Variants in PDE4B observed in about 807,000 individuals in gnomAD.
PDE4B encodes the protein 3',5'-cyclic-AMP phosphodiesterase 4B.
PDE4B carries 20 observed loss-of-function variants against 82.2 expected under a neutral mutation model. The observed-to-expected ratio is 0.24, with a 90% confidence interval of 0.17 to 0.35. The LOEUF is 0.35. Ranked by LOEUF, PDE4B falls within the 10% of genes least tolerant of loss-of-function variation. The probability of loss-of-function intolerance (pLI) is 1.00; values close to 1 mark genes in which losing one functional copy is unlikely to be tolerated. For synonymous variants in PDE4B, 320 were observed against 318.9 expected (o/e 1.00, Z -0.04); for missense variants, 655 against 907.2 (o/e 0.72, Z 3.57).
intron 3 of PDE4B, among the ~76,000 whole-genome samples, chr1:65,938,060 A>AT (rs1226361902): frequency 1.3e-5 from 2 of 152,212 alleles, no homozygotes; most frequent in Non-Finnish European, 2.9e-5. Context: ...TAGTTTTATA[A>AT]TAAAAAAGAA....
chr1:65,866,263 T>C (rs1447107135), intron 1 of PDE4B, among the ~76,000 whole-genome samples: 2 of 152,304 alleles, frequency 1.3e-5, no homozygotes, highest in Non-Finnish European at 1.5e-5. Flanking sequence ...TAAATGTAAG[T>C]ACAATTATAA....
chr1:66,287,561 G>C (rs1469848427), intron 7 of PDE4B, among the ~76,000 whole-genome samples: 1 of 152,164 alleles, frequency 6.6e-6, no homozygotes, highest in Admixed American at 6.6e-5. Flanking sequence ...AGGGTGAGGA[G>C]GAAGACTCCA....
chr1:65,930,387 T>C (rs1647764329), intron 3 of PDE4B, among the ~76,000 whole-genome samples: 1 of 152,226 alleles, frequency 6.6e-6, no homozygotes, highest in Non-Finnish European at 1.5e-5. Flanking sequence ...AGGGCCACTG[T>C]TCTCCAGACT....
At chr1:66,163,645 T>C (rs999602885) in intron 3 of PDE4B, among the ~76,000 whole-genome samples, 2 of 152,362 alleles carry the variant, frequency 1.3e-5, no homozygotes, top group Middle Eastern at 3.4e-3. Context: ...TATTATAATA[T>C]ACCTTAACAA....
chr1:65,903,030 G>GC (rs1646989036), intron 1 of PDE4B, among the ~76,000 whole-genome samples: 2 of 152,194 alleles, frequency 1.3e-5, no homozygotes, highest in Admixed American at 6.6e-5. Flanking sequence ...TCATGGTATG[G>GC]CAAACATTAC....
At chr1:66,194,771 A>C (rs1488332922) in intron 3 of PDE4B, among the ~76,000 whole-genome samples, 3 of 152,114 alleles carry the variant, frequency 2.0e-5, no homozygotes, top group Non-Finnish European at 4.4e-5. Context: ...TTTTGTATCT[A>C]TGTGAGTTCC....
chr1:65,981,671 G>T (rs1650696308), intron 3 of PDE4B, among the ~76,000 whole-genome samples: 1 of 151,744 alleles, frequency 6.6e-6, no homozygotes, highest in Non-Finnish European at 1.5e-5. Flanking sequence ...CTGTAATTCA[G>T]TTTCTTTATC....
chr1:65,852,645 T>C (rs1309880107), intron 1 of PDE4B, among the ~76,000 whole-genome samples: 1 of 152,074 alleles, frequency 6.6e-6, no homozygotes. Context: ...TATGTTTTAC[T>C]TTCATTTTTA....
chr1:66,212,748 T>C (rs1438372957), intron 3 of PDE4B, among the ~76,000 whole-genome samples: 1 of 152,210 alleles, frequency 6.6e-6, no homozygotes, highest in Non-Finnish European at 1.5e-5. Context: ...ACCTCCATCA[T>C]GATATATGCT....
intron 8 of PDE4B, among the ~76,000 whole-genome samples, chr1:66,335,608 G>T (rs1236217269): frequency 6.6e-6 from 1 of 152,160 alleles, no homozygotes; most frequent in Non-Finnish European, 1.5e-5. Flanking sequence ...AAATTTCTCT[G>T]ATCCCTTAAT....
chr1:65,883,899 C>T (rs538502063), intron 1 of PDE4B, among the ~76,000 whole-genome samples: 1 of 152,280 alleles, frequency 6.6e-6, no homozygotes, highest in South Asian at 2.1e-4. Flanking sequence ...GCCTTTTCTG[C>T]ATCTATTGAG....
intron 3 of PDE4B, among the ~76,000 whole-genome samples, chr1:66,118,362 A>T (rs1557574603): frequency 6.6e-6 from 1 of 152,238 alleles, no homozygotes; most frequent in African/African-American, 2.4e-5. Context: ...AAAATGTGGC[A>T]CATATACACC....
chr1:66,003,834 A>G (rs144340464), intron 3 of PDE4B, among the ~76,000 whole-genome samples: 59 of 152,272 alleles, frequency 3.9e-4, no homozygotes, highest in African/African-American at 1.2e-3. Context: ...CTGAGAGTCT[A>G]CTGTTGAAAT....
chr1:65,928,471 G>A (rs767867498), intron 3 of PDE4B, among the ~76,000 whole-genome samples: 7 of 152,016 alleles, frequency 4.6e-5, no homozygotes, highest in East Asian at 3.9e-4. Context: ...AGGTAGCTAC[G>A]CCCACCTTGC....
chr1:66,143,754 G>A (rs1042389495), intron 3 of PDE4B, among the ~76,000 whole-genome samples: 13 of 152,194 alleles, frequency 8.5e-5, no homozygotes, highest in Non-Finnish European at 1.6e-4. Flanking sequence ...CATTCTGAAA[G>A]CCTCTTGAAA....
chr1:66,330,647 T>C, intron 7 of PDE4B: 1 of 377,336 alleles, frequency 2.7e-6, no homozygotes, highest in Non-Finnish European at 3.6e-6. Context: ...GTGGTTGGAC[T>C]TTTTCCTTTA....
At chr1:65,982,565 A>T (rs1650743675) in intron 3 of PDE4B, among the ~76,000 whole-genome samples, 1 of 152,204 alleles carries the variant, frequency 6.6e-6, no homozygotes, top group Non-Finnish European at 1.5e-5. Context: ...TCAGCAAAAG[A>T]CAGGAATAGA....
chr1:65,827,253 T>G (rs957933595), intron 1 of PDE4B, among the ~76,000 whole-genome samples: 29 of 150,706 alleles, frequency 1.9e-4, no homozygotes, highest in African/African-American at 6.1e-4. Flanking sequence ...AACAAAAAAT[T>G]ACAAGGAATA....
chr1:65,938,296 T>C (rs953175558), intron 3 of PDE4B, among the ~76,000 whole-genome samples: 5 of 152,160 alleles, frequency 3.3e-5, no homozygotes, highest in African/African-American at 1.2e-4. Flanking sequence ...ACCACCCCCA[T>C]CTTGACTTGT....
Sources: allele counts gnomAD v4.1 joint callset (sites outside exome capture counted in the v4.1 genomes callset), GRCh38; gene constraint gnomAD v4.1.1; transcripts MANE v1.5; gene names NCBI Gene and HGNC (gene_info 2026-07-23, HGNC 2026-07-21).